Variants in CREB3L2 observed in about 807,000 individuals in gnomAD.
The protein encoded by CREB3L2 is cAMP responsive element binding protein 3 like 2, also known as cyclic AMP-responsive element-binding protein 3-like protein 2.
CREB3L2 carries 23 observed loss-of-function variants against 57.2 expected under a neutral mutation model. The observed-to-expected ratio is 0.40, with a 90% confidence interval of 0.29 to 0.57. The LOEUF is 0.57. Among genes scored for constraint, CREB3L2 ranks in the 20% least tolerant of loss-of-function variants. CREB3L2 has a pLI of 0.42. For synonymous variants in CREB3L2, 268 were observed against 265.1 expected (o/e 1.01, Z -0.11); for missense variants, 628 against 634.7 (o/e 0.99, Z 0.11).
chr7:137,905,857 AC>A lies in CREB3L2; in HGVS notation c.769-10del, dbSNP rs577762396. The A allele has an allele frequency of 3.1e-6, 5 of 1,592,830 alleles. No homozygotes were observed. In the Admixed American group the frequency reaches 9.1e-5, roughly 29 times the overall value. ...CCTGATCCCTGCAGTTTCTGTGCAG[AC>A]CAAGGAGCAGAAAAGGGTCAAAGAA... On this transcript the variant is annotated splice_polypyrimidine_tract_variant and intron_variant, in intron 5 of 11. Coordinates refer to ENST00000330387, the MANE Select transcript of CREB3L2 (RefSeq NM_194071.4).
At position 137,955,000 on chromosome 7, in the gene CREB3L2, A is replaced by C. The variant is rs1801179615; in HGVS notation, c.103-26634T>G. 2.0e-5 allele frequency among the ~76,000 whole-genome samples: 3 copies of C among 152,170 alleles called. No individual in the cohort carries two copies. In the South Asian group the frequency reaches 6.2e-4, roughly 32 times the overall value. On this transcript the variant is annotated intron_variant, in intron 1 of 11. Transcript: ENST00000330387. ...CTGCCAGAGTCTGGGTTCTTATTTAACATAAAACTCTAAAGTTCCCTGGAC... is the reference window on the plus strand; with the variant it reads ...CTGCCAGAGTCTGGGTTCTTATTTACCATAAAACTCTAAAGTTCCCTGGAC...
intron 1 of CREB3L2, among the ~76,000 whole-genome samples, chr7:137,975,905 T>C (rs768056163): frequency 7.2e-5 from 11 of 152,174 alleles, no homozygotes; most frequent in Admixed American, 4.6e-4. Flanking sequence ...TCCACCCAGC[T>C]GCATAAATCC....
rs372097757 is a variant in CREB3L2 at position 137,879,179 on chromosome 7, C to CA, written c.*1296dup. 34,903 of 506,720 alleles carry CA rather than the reference C, an allele frequency of 0.069. 4,736 individuals carry two copies. Among genetic ancestry groups the CA allele is most frequent in the African/African-American group, 0.38 (19,708 of 51,380 alleles). The allele number at this position is 506,720 out of a possible 1,614,324, so 31.4% of individuals were successfully genotyped here. A position where few individuals can be genotyped will look rare whatever the true frequency, so the allele number is the denominator to read the frequency against. On this transcript the variant is annotated 3_prime_UTR_variant, in exon 12 of 12. Transcript: ENST00000330387. ...GTTACTTTTAACCATAAAAAAAAAA[C>CA]AAAAAAACTAAAAGTAGGTTGGGGA... is the stretch of plus-strand genomic sequence containing the variant.
chr7:137,946,924 T>TTATATATATAGTTA (rs1801003512), intron 1 of CREB3L2, among the ~76,000 whole-genome samples: 3 of 20,572 alleles, frequency 1.5e-4, no homozygotes, highest in African/African-American at 2.5e-4. Context: ...ATATATATAG[T>TTATATATATAGTTA]TATATATATA....
At chr7:137,967,639 A>G (rs555094819) in intron 1 of CREB3L2, among the ~76,000 whole-genome samples, 2 of 152,188 alleles carry the variant, frequency 1.3e-5, no homozygotes, top group Admixed American at 1.3e-4. Context: ...TGGCTCTTCG[A>G]TTCTCTCCCA....
In CREB3L2 at chr7:138,001,591, G is replaced by A; in HGVS notation, c.102+13C>T. On this transcript the variant is annotated intron_variant, in intron 1 of 11. Coordinates refer to ENST00000330387, the MANE Select transcript of CREB3L2 (RefSeq NM_194071.4). This position sits in a 1 kb window ranked among gnomAD's most constrained non-coding sequence, Gnocchi z 4.2. ...CTTTGAAAGCCCTCCTGCCCCGCCC[G>A]CCGGGTCCTCACCGTGTGGTACATG... The A allele has an allele frequency of 6.3e-7, 1 of 1,599,262 alleles. No homozygotes were observed. The highest frequency in any genetic ancestry group is 1.7e-5 in the Admixed American group (1 of 58,634).
At chr7:137,943,410 A>G (rs1449659335) in intron 1 of CREB3L2, among the ~76,000 whole-genome samples, 3 of 152,304 alleles carry the variant, frequency 2.0e-5, no homozygotes, top group Non-Finnish European at 4.4e-5. Flanking sequence ...TGCCCTTTCA[A>G]CAGCTGGTCT....
intron 1 of CREB3L2, chr7:137,999,938 T>A (rs1802048802): frequency 6.6e-6 from 1 of 152,204 alleles, no homozygotes; most frequent in Non-Finnish European, 1.5e-5. Context: ...AGGCCTCTAC[T>A]CCCTGAAAGT....
chr7:137,886,406 C>A (rs1306163001), intron 8 of CREB3L2, among the ~76,000 whole-genome samples: 1 of 149,854 alleles, frequency 6.7e-6, no homozygotes, highest in Non-Finnish European at 1.5e-5. Flanking sequence ...GAGAGAAAGG[C>A]CAGAGGTGGG....
intron 2 of CREB3L2, among the ~76,000 whole-genome samples, chr7:137,918,980 CCTT>C (rs1474489074): frequency 1.3e-5 from 2 of 152,086 alleles, no homozygotes; most frequent in East Asian, 3.9e-4. Flanking sequence ...TAAAAGGAAA[CCTT>C]CTCTCTCAAG....
chr7:137,977,850 G>A (rs182868395), intron 1 of CREB3L2, among the ~76,000 whole-genome samples: 7 of 152,088 alleles, frequency 4.6e-5, no homozygotes, highest in Admixed American at 2.0e-4. Flanking sequence ...GAACCTGGGA[G>A]GTGGAGGTTG....
intron 8 of CREB3L2, among the ~76,000 whole-genome samples, chr7:137,896,063 G>A (rs933459658): frequency 1.3e-5 from 2 of 152,190 alleles, no homozygotes; most frequent in East Asian, 3.9e-4. Flanking sequence ...GTCTTCCCTT[G>A]CCCAGTACCC....
chr7:137,884,285 C>G (rs569380018), intron 10 of CREB3L2: 29 of 146,116 alleles, frequency 2.0e-4, no homozygotes, highest in African/African-American at 7.5e-4. Context: ...CTCGCTCTGT[C>G]GTCTAGGCTG....
At position 137,878,715 on chromosome 7, in the gene CREB3L2, C is replaced by T. The variant is rs899199084; in HGVS notation, c.*1761G>A. ...GCCGCTTTCCAGGCTGGAACCGTCT[C>T]CAGCATAGCAGAGAGAGGGGAATCA... On this transcript the variant is annotated 3_prime_UTR_variant, in exon 12 of 12. Transcript: ENST00000330387. 2 of 234,432 alleles carry T rather than the reference C, an allele frequency of 8.5e-6. No homozygotes were observed. The highest frequency in any genetic ancestry group is 1.7e-5 in the Non-Finnish European group (2 of 119,024). The allele number at this position is 234,432 out of a possible 1,614,324, so 14.5% of individuals were successfully genotyped here.
At chr7:137,911,648 G>A (rs1800007930) in intron 4 of CREB3L2, among the ~76,000 whole-genome samples, 1 of 152,108 alleles carries the variant, frequency 6.6e-6, no homozygotes, top group South Asian at 2.1e-4. Flanking sequence ...GACCAGCCTG[G>A]GCAACATGGT....
rs756334616 is a variant in CREB3L2 at position 137,899,787 on chromosome 7, T to A, written c.1043+1567A>T. On this transcript the variant is annotated intron_variant, in intron 8 of 11. Transcript: ENST00000330387. ...AAATGCAGAGAAAATTTCAGGGGGA[T>A]CCCACTGGCGGTAGTTTTAGCTTAT... is the stretch of plus-strand genomic sequence containing the variant. 3.3e-5 allele frequency among the ~76,000 whole-genome samples: 5 copies of A among 152,332 alleles called. No homozygotes were observed. The East Asian group carries it at 9.7e-4, about 29-fold the overall frequency.
intron 10 of CREB3L2, 180 bp downstream of exon 10, chr7:137,884,815 G>A (rs973608299): frequency 4.2e-5 from 31 of 736,034 alleles, no homozygotes; most frequent in Admixed American, 3.0e-4. Flanking sequence ...CAGTGATGCC[G>A]CAGTCCAGTG....
rs539358803 is a variant in CREB3L2 at position 137,917,504 on chromosome 7, C to A, written c.320-1492G>T. Among the ~76,000 whole-genome samples, 3 of 152,304 alleles carry A rather than the reference C, an allele frequency of 2.0e-5. No individual in the cohort carries two copies. In the South Asian group the frequency reaches 6.2e-4, roughly 32 times the overall value. On this transcript the variant is annotated intron_variant, in intron 2 of 11. Transcript: ENST00000330387. ...ACACACATACACCACATTTCACATA[C>A]TTAGTGACCCATGACTGTCAGGAGA...
intron 1 of CREB3L2, among the ~76,000 whole-genome samples, chr7:137,973,949 C>G (rs1363911178): frequency 6.6e-6 from 1 of 152,012 alleles, no homozygotes; most frequent in Non-Finnish European, 1.5e-5. Flanking sequence ...TGAAGTGAAT[C>G]TGGAACGAGC....
Sources: allele counts gnomAD v4.1 joint callset (sites outside exome capture counted in the v4.1 genomes callset), GRCh38; gene constraint gnomAD v4.1.1; non-coding constraint Gnocchi (gnomAD v3.1); transcripts MANE v1.5; gene names NCBI Gene and HGNC (gene_info 2026-07-23, HGNC 2026-07-21).